PDE4D: variants seen among roughly 807,000 people sequenced by gnomAD.
PDE4D encodes 3',5'-cyclic-AMP phosphodiesterase 4D.
In PDE4D, 24 loss-of-function variants were observed where a neutral mutation model predicts 87.4. The ratio of observed to expected loss-of-function variants is 0.27; its 90% CI spans 0.20 to 0.39. The LOEUF (loss-of-function observed/expected upper bound fraction) is 0.39. Among genes scored for constraint, PDE4D ranks in the 10% least tolerant of loss-of-function variants. PDE4D has a pLI of 1.00. For missense variants in PDE4D, 714 were observed against 1,041.0 expected (o/e 0.69, Z 4.32); for synonymous variants, 384 against 383.2 (o/e 1.00, Z -0.02).
chr5:59,848,657 A>G (rs1000444247), intron 1 of PDE4D, among the ~76,000 whole-genome samples: 1 of 152,078 alleles, frequency 6.6e-6, no homozygotes, highest in African/African-American at 2.4e-5. Context: ...AGAGTGAGTA[A>G]AGCACATCAA....
chr5:60,263,416 A>C (rs894353928), intron 1 of PDE4D, among the ~76,000 whole-genome samples: 1 of 152,224 alleles, frequency 6.6e-6, no homozygotes, highest in African/African-American at 2.4e-5. Context: ...TGACGCCACA[A>C]GGAGCAGAGA....
At chr5:59,715,136 C>G (rs535840982) in intron 1 of PDE4D, among the ~76,000 whole-genome samples, 4 of 152,014 alleles carry the variant, frequency 2.6e-5, no homozygotes, top group Non-Finnish European at 4.4e-5. Context: ...GTCGTGTAGA[C>G]GAGTTACCTG....
At chr5:60,160,030 A>G (rs1345704743) in intron 2 of PDE4D, among the ~76,000 whole-genome samples, 3 of 152,142 alleles carry the variant, frequency 2.0e-5, no homozygotes, top group Non-Finnish European at 4.4e-5. Flanking sequence ...AGCAAGATCA[A>G]CCTGACCTCT....
At chr5:59,376,147 C>T (rs1358525335) in intron 1 of PDE4D, among the ~76,000 whole-genome samples, 7 of 152,236 alleles carry the variant, frequency 4.6e-5, no homozygotes, top group South Asian at 2.1e-4. Flanking sequence ...TGCCCTCTCT[C>T]GCCTTTCCTA....
At chr5:59,874,550 T>C (rs181685722) in intron 1 of PDE4D, among the ~76,000 whole-genome samples, 1 of 152,176 alleles carries the variant, frequency 6.6e-6, no homozygotes, top group Admixed American at 6.5e-5. Context: ...CTTTACTCTC[T>C]CTACTGGTTA....
At chr5:60,422,304 G>T (rs1217572152) in intron 1 of PDE4D, among the ~76,000 whole-genome samples, 1 of 152,202 alleles carries the variant, frequency 6.6e-6, no homozygotes, top group Non-Finnish European at 1.5e-5. Flanking sequence ...GAAAGGTCGG[G>T]TTGTCCACAA....
At chr5:59,261,184 G>A (rs1761941856) in intron 1 of PDE4D, among the ~76,000 whole-genome samples, 2 of 151,694 alleles carry the variant, frequency 1.3e-5, no homozygotes, top group South Asian at 4.1e-4. Context: ...AATCCTTAAG[G>A]GCAGGCCTTT....
intron 1 of PDE4D, among the ~76,000 whole-genome samples, chr5:60,286,316 G>A (rs1441410746): frequency 1.3e-5 from 2 of 152,078 alleles, no homozygotes; most frequent in African/African-American, 4.8e-5. Flanking sequence ...AAGTAATATT[G>A]TCTAAAGAAA....
At chr5:59,313,209 T>C (rs1038802485) in intron 1 of PDE4D, among the ~76,000 whole-genome samples, 3 of 152,140 alleles carry the variant, frequency 2.0e-5, no homozygotes, top group African/African-American at 7.2e-5. Flanking sequence ...TGCTAACCTT[T>C]TTCTCTAGGC....
intron 1 of PDE4D, among the ~76,000 whole-genome samples, chr5:59,293,462 G>C (rs891584756): frequency 3.9e-5 from 6 of 152,102 alleles, no homozygotes; most frequent in Admixed American, 6.6e-5. Context: ...CTAGAACCAT[G>C]AAAAGAAGAT....
intron 2 of PDE4D, among the ~76,000 whole-genome samples, chr5:60,112,036 A>T (rs1472469518): frequency 6.6e-6 from 1 of 151,788 alleles, no homozygotes; most frequent in Non-Finnish European, 1.5e-5. Context: ...TATGGCTTTT[A>T]AAAAAAACCT....
At chr5:60,026,665 G>A (rs1766660923) in intron 2 of PDE4D, among the ~76,000 whole-genome samples, 1 of 152,056 alleles carries the variant, frequency 6.6e-6, no homozygotes, top group African/African-American at 2.4e-5. Flanking sequence ...CATCCCCTCA[G>A]CTGTTTTCCC....
chr5:58,998,806 T>C (rs932062784), intron 6 of PDE4D, among the ~76,000 whole-genome samples: 1 of 152,170 alleles, frequency 6.6e-6, no homozygotes, highest in Non-Finnish European at 1.5e-5. Flanking sequence ...AATAAGGTTT[T>C]TCTACCTCCT....
At chr5:60,211,500 T>G (rs560548819) in intron 1 of PDE4D, among the ~76,000 whole-genome samples, 5 of 149,304 alleles carry the variant, frequency 3.3e-5, no homozygotes, top group Admixed American at 6.7e-5. Context: ...AATATATATA[T>G]AGATATATAT....
At chr5:59,370,028 C>T (rs917362752) in intron 1 of PDE4D, among the ~76,000 whole-genome samples, 6 of 152,164 alleles carry the variant, frequency 3.9e-5, no homozygotes, top group Non-Finnish European at 7.3e-5. Context: ...ATGTAAAAAT[C>T]CGTCATCAAA....
At chr5:59,868,478 A>G (rs1406747449) in intron 1 of PDE4D, among the ~76,000 whole-genome samples, 3 of 152,170 alleles carry the variant, frequency 2.0e-5, no homozygotes, top group Non-Finnish European at 2.9e-5. Flanking sequence ...TGTTGGTGTT[A>G]TTATGAAAAT....
At chr5:59,185,404 G>T (rs1037934150) in intron 3 of PDE4D, 142 bp from the exon 4 acceptor site, 3 of 601,258 alleles carry the variant, frequency 5.0e-6, no homozygotes, top group East Asian at 5.6e-5. Context: ...ACTTAGTGCA[G>T]TTTGTAGGTA....
At chr5:59,621,062 T>TTTGTAAAAGTTCAA (rs200093627) in intron 1 of PDE4D, among the ~76,000 whole-genome samples, 2 of 152,030 alleles carry the variant, frequency 1.3e-5, no homozygotes, top group Non-Finnish European at 2.9e-5. Flanking sequence ...CCCCACTTTC[T>TTTGTAAAAGTTCAA]TTGTAAAAGT....
chr5:59,190,718 A>G (rs986345262), intron 3 of PDE4D, among the ~76,000 whole-genome samples: 2 of 152,152 alleles, frequency 1.3e-5, no homozygotes, highest in Non-Finnish European at 2.9e-5. Flanking sequence ...AAACATGCCA[A>G]TCATGTCCAA....
Sources: gnomAD v4.1 joint callset for allele counts (sites outside exome capture counted in the v4.1 genomes callset) on GRCh38, gnomAD v4.1.1 for gene constraint, MANE v1.5 for transcripts, NCBI Gene and HGNC (gene_info 2026-07-23, HGNC 2026-07-21) for gene names.